The following AKT1S1 variants were observed in gnomAD, a reference collection of about 807,000 sequenced individuals.
The protein encoded by AKT1S1 is AKT1 substrate 1.
In AKT1S1, 17 loss-of-function variants were observed where a neutral mutation model predicts 21.2. The observed-to-expected ratio is 0.80, with a 90% CI of 0.55 to 1.20. AKT1S1 has a LOEUF of 1.20. AKT1S1 is among the 50% of genes most tolerant of loss of function. AKT1S1 has a pLI of 0.00. For missense variants in AKT1S1, 366 were observed against 368.3 expected (o/e 0.99, Z 0.05); for synonymous variants, 181 against 165.6 (o/e 1.09, Z -0.72).
At position 49,869,809 on chromosome 19, in the gene AKT1S1, C is replaced by T. The variant is rs1220545075; in HGVS notation, c.*108G>A. ...GGGACAATCTTGGGAATGGGAGACGCAAGGAGGCCGGTCCCGGATCGGCCT... is the reference window on the plus strand; with the variant it reads ...GGGACAATCTTGGGAATGGGAGACGTAAGGAGGCCGGTCCCGGATCGGCCT... On this transcript the variant is annotated 3_prime_UTR_variant, in exon 5 of 5. Transcript: ENST00000344175. 5.0e-6 allele frequency: 6 copies of T among 1,202,668 alleles called. No homozygotes were observed. The highest frequency in any genetic ancestry group is 4.8e-5 in the African/African-American group (3 of 62,772). 74.5% of individuals were successfully genotyped at this position (1,202,668 alleles called of 1,614,324 possible).
chr19:49,872,823 A>G, intron 2 of AKT1S1, 94 bp downstream of exon 2: 2 of 1,404,754 alleles, frequency 1.4e-6, no homozygotes, highest in Non-Finnish European at 1.9e-6. Context: ...CTTCTGTAGA[A>G]GTACTCTGGG....
At chr19:49,872,239 G>GT (rs374210227) in intron 2 of AKT1S1, among the ~76,000 whole-genome samples, 15 of 152,334 alleles carry the variant, frequency 9.8e-5, no homozygotes, top group African/African-American at 3.6e-4. Context: ...GCCCAGAGAA[G>GT]TTAAGTCACT....
chr19:49,876,738 C>A, intron 1 of AKT1S1: 1 of 1,387,372 alleles, frequency 7.2e-7, no homozygotes, highest in South Asian at 1.6e-5. Context: ...CGCCCGAGAT[C>A]AAGATGGCGG....
At chr19:49,878,097 G>GT, upstream of AKT1S1, 1 of 1,495,718 alleles carries the variant, frequency 6.7e-7, no homozygotes, top group Non-Finnish European at 9.1e-7. Context: ...CCCCAGGCTG[G>GT]TCCCCTCGCT....
chr19:49,872,596 C>G (rs2074896498), intron 2 of AKT1S1, among the ~76,000 whole-genome samples: 1 of 152,152 alleles, frequency 6.6e-6, no homozygotes, highest in South Asian at 2.1e-4. Context: ...ATGACCTGCC[C>G]CAGAGCCTCC....
intron 1 of AKT1S1, chr19:49,876,574 C>A: frequency 6.7e-7 from 1 of 1,495,916 alleles, no homozygotes; most frequent in South Asian, 1.3e-5. Context: ...CCTCCCCACA[C>A]CGCGGTTAAC....
In AKT1S1 at chr19:49,873,222, C is replaced by T. The variant is rs1398742550; in HGVS notation, c.74G>A (p.Gly25Asp). 1 of 1,535,076 alleles carries T rather than the reference C, an allele frequency of 6.5e-7. No individual in the cohort carries two copies. The highest frequency in any genetic ancestry group is 8.7e-7 in the Non-Finnish European group (1 of 1,150,362). Reference sequence around the variant, plus strand: ...CGCGGTCAGCAGCACCAGCTCCGTGCCAGTCCGGGCCCGGAAGCGCTCAGC... The same window carrying T: ...CGCGGTCAGCAGCACCAGCTCCGTGTCAGTCCGGGCCCGGAAGCGCTCAGC... ...GAAERFRART[G>D]TELVLLTAAP... Residue 25 changes from glycine to aspartate, a missense_variant, in exon 2 of 5, where the codon GGC (glycine) becomes GAC (aspartate). Coordinates refer to ENST00000344175, the MANE Select transcript of AKT1S1 (RefSeq NM_001098633.4). This position sits in a 1 kb window ranked among gnomAD's most constrained non-coding sequence, Gnocchi z 6.9.
chr19:49,869,792 C>G lies in AKT1S1; in HGVS notation c.*125G>C. The G allele has an allele frequency of 1.8e-6, 2 of 1,120,040 alleles. No individual in the cohort carries two copies. The highest frequency in any genetic ancestry group is 2.3e-5 in the South Asian group (1 of 43,292). The allele number at this position is 1,120,040 out of a possible 1,614,324, so 69.4% of individuals were successfully genotyped here. A position where few individuals can be genotyped will look rare whatever the true frequency, so the allele number is the denominator to read the frequency against. On this transcript the variant is annotated 3_prime_UTR_variant, in exon 5 of 5. Transcript: ENST00000344175. ...CGGGGATTGGCAGAGGCGGGACAAT[C>G]TTGGGAATGGGAGACGCAAGGAGGC...
At chr19:49,877,743 G>C, upstream of AKT1S1, 4 of 1,596,108 alleles carry the variant, frequency 2.5e-6, no homozygotes, top group Non-Finnish European at 1.7e-6. Flanking sequence ...GCCGGCTACA[G>C]GGTAAGCACT....
chr19:49,876,207 G>T (rs1276030671), intron 1 of AKT1S1: 1 of 1,029,914 alleles, frequency 9.7e-7, no homozygotes, highest in Non-Finnish European at 1.2e-6. Context: ...ACCTCGCCCG[G>T]GGTCCAGGGA....
chr19:49,876,849 T>C (rs2074953571), intron 1 of AKT1S1: 1 of 533,970 alleles, frequency 1.9e-6, no homozygotes, highest in Non-Finnish European at 3.1e-6. Context: ...CCAACAATAA[T>C]GGCCGTCCTC....
intron 2 of AKT1S1, 143 bp from the exon 3 acceptor site, chr19:49,872,032 A>ACGG: frequency 1.1e-6 from 1 of 918,300 alleles, no homozygotes; most frequent in South Asian, 1.5e-5. Flanking sequence ...CACCTCAAAA[A>ACGG]CAACTTCCTC....
At chr19:49,877,555 GT>G, upstream of AKT1S1, 2 of 634,702 alleles carry the variant, frequency 3.2e-6, no homozygotes, top group South Asian at 2.1e-5. Flanking sequence ...CACCCTCGAG[GT>G]TCCAGTGGAA....
chr19:49,877,955 C>T, upstream of AKT1S1: 1 of 731,698 alleles, frequency 1.4e-6, no homozygotes, highest in Non-Finnish European at 2.2e-6. Flanking sequence ...TCCTTGAGCC[C>T]TGCCCCCTGT....
chr19:49,877,873 C>T (rs571555839), upstream of AKT1S1: 1 of 1,173,448 alleles, frequency 8.5e-7, no homozygotes, highest in Non-Finnish European at 1.2e-6. Flanking sequence ...CTCTTATAAA[C>T]GCGCCGTCAC....
Position 49,871,709 on chromosome 19 carries a change from G to C in AKT1S1, c.465C>G (p.Ser155Arg). 1 of 1,612,740 alleles carries C rather than the reference G, an allele frequency of 6.2e-7. No individual in the cohort carries two copies. The highest frequency in any genetic ancestry group is 8.5e-7 in the Non-Finnish European group (1 of 1,179,342). ...ESDPESTDDG[S>R]LSEETPAGPP... The stretch of plus-strand genomic sequence containing the variant: ...GGCCGGCGGGGGTCTCCTCGCTCAG[G>C]CTGCCATCTGAAAGAGAGGGTGGAC... Residue 155 changes from serine to arginine, a missense_variant, in exon 4 of 5, where the codon AGC becomes AGG. Ser to Arg is a moderately radical substitution (Grantham distance 110). Transcript: ENST00000344175.
In AKT1S1 at chr19:49,873,380, T is replaced by C; in HGVS notation, c.-7-78A>G. The C allele has an allele frequency of 7.3e-7, 1 of 1,373,994 alleles. No individual in the cohort carries two copies. Among genetic ancestry groups the C allele is most frequent in the Non-Finnish European group, 9.3e-7 (1 of 1,070,782 alleles). 85.1% of individuals were successfully genotyped at this position (1,373,994 alleles called of 1,614,324 possible). A position where few individuals can be genotyped will look rare whatever the true frequency, so the allele number is the denominator to read the frequency against. ...GCCACCCACTCAGAGTGCCCGCCCG[T>C]CCCCTGGATGGCACTCACCACCCTC... On this transcript the variant is annotated intron_variant, in intron 1 of 4. Coordinates refer to ENST00000344175, the MANE Select transcript of AKT1S1 (RefSeq NM_001098633.4). This position sits in a 1 kb window ranked among gnomAD's most constrained non-coding sequence, Gnocchi z 6.9.
upstream of AKT1S1, chr19:49,878,137 A>C: frequency 6.4e-7 from 1 of 1,571,998 alleles, no homozygotes; most frequent in Non-Finnish European, 8.6e-7. Context: ...GTTCCCCCCA[A>C]CTCAGGTGGT....
In AKT1S1 at chr19:49,869,787, A is replaced by G. The variant is rs1005886303; in HGVS notation, c.*130T>C. ...GACGGCGGGGATTGGCAGAGGCGGG[A>G]CAATCTTGGGAATGGGAGACGCAAG... On this transcript the variant is annotated 3_prime_UTR_variant, in exon 5 of 5. Transcript: ENST00000344175. The G allele has an allele frequency of 6.7e-4, 718 of 1,073,352 alleles. 12 individuals are homozygous for G. In the East Asian group the frequency reaches 0.023, roughly 34 times the overall value. The allele number at this position is 1,073,352 out of a possible 1,614,324, so 66.5% of individuals were successfully genotyped here. A position where few individuals can be genotyped will look rare whatever the true frequency, so the allele number is the denominator to read the frequency against.
Sources: gnomAD v4.1 joint callset for allele counts (sites outside exome capture counted in the v4.1 genomes callset) on GRCh38, gnomAD v4.1.1 for gene constraint, Gnocchi (gnomAD v3.1) non-coding constraint, MANE v1.5 for transcripts, NCBI Gene and HGNC (gene_info 2026-07-23, HGNC 2026-07-21) for gene names.